Variants in CCDC148 observed in about 807,000 individuals in gnomAD.
The protein encoded by CCDC148 is coiled-coil domain containing 148.
A neutral mutation model predicts 85.7 loss-of-function variants in CCDC148; 89 were observed. The ratio of observed to expected loss-of-function variants is 1.04; its 90% confidence interval spans 0.87 to 1.24. The LOEUF (loss-of-function observed/expected upper bound fraction) is 1.24, where lower values mean the gene tolerates loss of function less well. CCDC148 is among the 50% of genes most tolerant of loss of function. CCDC148 has a pLI of 0.00. For synonymous variants in CCDC148, 230 were observed against 213.9 expected, an observed-to-expected ratio of 1.08 and a Z score of -0.66; for missense variants, 692 against 671.7, an observed-to-expected ratio of 1.03 and a Z score of -0.33.
At chr2:158,422,800 G>T (rs1410722756) in intron 1 of CCDC148, among the ~76,000 whole-genome samples, 1 of 151,730 alleles carries the variant, frequency 6.6e-6, no homozygotes. Context: ...AATTGTCCCT[G>T]TTTGCAGATG....
At chr2:158,378,816 G>C (rs1391473273) in intron 1 of CCDC148, among the ~76,000 whole-genome samples, 4 of 152,122 alleles carry the variant, frequency 2.6e-5, no homozygotes, top group African/African-American at 9.7e-5. Flanking sequence ...TAAGCCCACT[G>C]TTGAGACTTA....
intron 11 of CCDC148, among the ~76,000 whole-genome samples, chr2:158,183,733 T>C (rs190422188): frequency 2.5e-4 from 38 of 152,288 alleles, no homozygotes; most frequent in African/African-American, 7.5e-4. Flanking sequence ...ACTTAGTGTT[T>C]AAGTCATGTG....
chr2:158,365,284 T>C (rs1278442233), intron 1 of CCDC148, among the ~76,000 whole-genome samples: 1 of 152,174 alleles, frequency 6.6e-6, no homozygotes, highest in Non-Finnish European at 1.5e-5. Context: ...AATATCATTT[T>C]ACCCAGCAAG....
At chr2:158,301,924 A>G (rs1691462096) in intron 9 of CCDC148, among the ~76,000 whole-genome samples, 1 of 152,234 alleles carries the variant, frequency 6.6e-6, no homozygotes, top group Admixed American at 6.5e-5. Flanking sequence ...CAAATGAAAG[A>G]GTAGAGCTAG....
In CCDC148 at chr2:158,400,734, T is replaced by G. The variant is rs1685742192; in HGVS notation, c.26-42164A>C. 2.0e-5 allele frequency among the ~76,000 whole-genome samples: 3 copies of G among 152,310 alleles called. No individual in the cohort carries two copies. In the South Asian group the frequency reaches 6.2e-4, roughly 32 times the overall value. ...GGATCTAATTAAAATAAAGAGCTTCTGCACAGCAAGAGAAACCATCATCAG... is the reference window on the plus strand; with the variant it reads ...GGATCTAATTAAAATAAAGAGCTTCGGCACAGCAAGAGAAACCATCATCAG... On this transcript the variant is annotated intron_variant, in intron 1 of 13. Transcript: ENST00000283233.
At chr2:158,292,569 A>C (rs1690944747) in intron 9 of CCDC148, among the ~76,000 whole-genome samples, 1 of 152,222 alleles carries the variant, frequency 6.6e-6, no homozygotes, top group African/African-American at 2.4e-5. Context: ...CAAGAAATCA[A>C]GACTCGAGTC....
At chr2:158,444,262 T>C (rs1009059878) in intron 1 of CCDC148, among the ~76,000 whole-genome samples, 1 of 152,164 alleles carries the variant, frequency 6.6e-6, no homozygotes, top group African/African-American at 2.4e-5. Flanking sequence ...TCTTCTTCTC[T>C]ATAAGGGAAA....
intron 9 of CCDC148, among the ~76,000 whole-genome samples, chr2:158,262,428 G>A (rs1266193510): frequency 6.6e-6 from 1 of 151,954 alleles, no homozygotes; most frequent in Non-Finnish European, 1.5e-5. Context: ...ATACCTGGGT[G>A]ATGAAATATA....
intron 10 of CCDC148, among the ~76,000 whole-genome samples, chr2:158,239,710 T>C (rs2105319852): frequency 6.6e-6 from 1 of 152,262 alleles, no homozygotes; most frequent in African/African-American, 2.4e-5. Context: ...TCTGCATAAT[T>C]AAACCTCCTA....
At chr2:158,401,722 A>T (rs1480297903) in intron 1 of CCDC148, among the ~76,000 whole-genome samples, 1 of 152,070 alleles carries the variant, frequency 6.6e-6, no homozygotes, top group East Asian at 1.9e-4. Context: ...GAAGCTAGAA[A>T]ATGTCAGAGG....
In CCDC148 at chr2:158,220,751, CA is replaced by C. The variant is rs764651941; in HGVS notation, c.1252-39del. 25 of 1,451,886 alleles carry C rather than the reference CA, an allele frequency of 1.7e-5. No individual in the cohort carries two copies. In the African/African-American group the frequency reaches 2.5e-4, roughly 14 times the overall value. 89.9% of individuals were successfully genotyped at this position (1,451,886 alleles called of 1,614,324 possible). ...TGTTACATAAAATTTAAATTAACAA[CA>C]GATATGTAAAAATGAGGGAAAAGCC... On this transcript the variant is annotated intron_variant, in intron 10 of 13. Transcript: ENST00000283233.
chr2:158,398,014 T>C (rs796094643), intron 1 of CCDC148, among the ~76,000 whole-genome samples: 11 of 151,668 alleles, frequency 7.3e-5, no homozygotes, highest in African/African-American at 2.7e-4. Context: ...CCAACAAAGA[T>C]CAAAAGAGAC....
intron 1 of CCDC148, chr2:158,425,393 G>A (rs890460488): frequency 1.0e-5 from 4 of 390,850 alleles, no homozygotes; most frequent in African/African-American, 8.3e-5. Flanking sequence ...GTTGATCTAA[G>A]ATGATTATTT....
At chr2:158,454,590 C>T (rs1688528131) in intron 1 of CCDC148, among the ~76,000 whole-genome samples, 1 of 152,174 alleles carries the variant, frequency 6.6e-6, no homozygotes, top group Non-Finnish European at 1.5e-5. Flanking sequence ...GCAGGAAAAC[C>T]ACGTAAAGTG....
rs150644390 is a variant in CCDC148, at chr2:158,448,909, C to G, written c.25+7506G>C. Among the ~76,000 whole-genome samples, 22 of 152,254 alleles carry G rather than the reference C, an allele frequency of 1.4e-4. 1 individual carries two copies. In the East Asian group the frequency reaches 4.3e-3, roughly 30 times the overall value. On this transcript the variant is annotated intron_variant, in intron 1 of 13. Transcript: ENST00000283233. The stretch of plus-strand genomic sequence containing the variant: ...GTGGCGCAATCTCAGCTCACTGCAA[C>G]CTCCGCCTCCCAAGTTCAAGCAATC...
At chr2:158,403,544 A>T (rs1685875510) in intron 1 of CCDC148, among the ~76,000 whole-genome samples, 1 of 152,102 alleles carries the variant, frequency 6.6e-6, no homozygotes, top group Non-Finnish European at 1.5e-5. Flanking sequence ...AAAGCGGTTC[A>T]GAAACCTGAC....
At chr2:158,343,473 T>A (rs1682843637) in intron 3 of CCDC148, among the ~76,000 whole-genome samples, 1 of 152,180 alleles carries the variant, frequency 6.6e-6, no homozygotes, top group Non-Finnish European at 1.5e-5. Context: ...GTAAAGGACT[T>A]AACATACTCG....
intron 10 of CCDC148, among the ~76,000 whole-genome samples, chr2:158,222,823 T>G (rs112020750): frequency 1.2e-3 from 186 of 152,130 alleles, no homozygotes; most frequent in African/African-American, 4.3e-3. Context: ...CTTCAAGAAT[T>G]CAGATACTTG....
At chr2:158,293,303 C>A (rs78396980) in intron 9 of CCDC148, among the ~76,000 whole-genome samples, 4 of 152,196 alleles carry the variant, frequency 2.6e-5, no homozygotes, top group African/African-American at 9.7e-5. Context: ...TGGTAATATA[C>A]CCTCATAGGA....
Sources: allele counts gnomAD v4.1 joint callset (sites outside exome capture counted in the v4.1 genomes callset), GRCh38; gene constraint gnomAD v4.1.1; transcripts MANE v1.5; gene names NCBI Gene and HGNC (gene_info 2026-07-23, HGNC 2026-07-21).